Variants in SF1 observed in about 807,000 individuals in gnomAD.
The protein encoded by SF1 is branch point-binding protein.
A neutral mutation model predicts 62.5 loss-of-function variants in SF1; 7 were observed. That is an observed-to-expected ratio of 0.11 (90% CI 0.06 to 0.21). The LOEUF (loss-of-function observed/expected upper bound fraction) is 0.21. Ranked by LOEUF, SF1 falls within the 10% of genes least tolerant of loss-of-function variation. The probability of loss-of-function intolerance (pLI) is 1.00; values close to 1 mark genes in which losing one functional copy is unlikely to be tolerated. For missense variants in SF1, 578 were observed against 884.0 expected (o/e 0.65, Z 4.39); for synonymous variants, 394 against 323.6 (o/e 1.22, Z -2.33).
At position 64,764,804 on chromosome 11, in the gene SF1, C is replaced by T. The variant is rs1189982841; in HGVS notation, c.*1014G>A. The T allele has an allele frequency of 6.6e-6, 1 of 152,520 alleles. No homozygotes were observed. The highest frequency in any genetic ancestry group is 2.4e-5 in the African/African-American group (1 of 41,428). The allele number at this position is 152,520 out of a possible 1,614,324, so 9.4% of individuals were successfully genotyped here. A position where few individuals can be genotyped will look rare whatever the true frequency, so the allele number is the denominator to read the frequency against. On this transcript the variant is annotated 3_prime_UTR_variant, in exon 13 of 13. Transcript: ENST00000377390. ...AAGGAAGGAGAATGAACAAGGGGCTCAAACCCCTACACACTGCAAAACATT... is the reference window on the plus strand; with the variant it reads ...AAGGAAGGAGAATGAACAAGGGGCTTAAACCCCTACACACTGCAAAACATT...
chr11:64,765,227 G>A lies in SF1; in HGVS notation c.*591C>T, dbSNP rs938118163. The A allele has an allele frequency of 6.6e-6, 3 of 457,290 alleles. No individual in the cohort carries two copies. Among genetic ancestry groups the A allele is most frequent in the East Asian group, 3.6e-5 (1 of 28,016 alleles). 28.3% of individuals were successfully genotyped at this position (457,290 alleles called of 1,614,324 possible). On this transcript the variant is annotated 3_prime_UTR_variant, in exon 13 of 13. Coordinates refer to ENST00000377390, the MANE Select transcript of SF1 (RefSeq NM_004630.4). ...GTAAGGGAAGGAGAACTGGAGAGAA[G>A]GGAAAGGAATCTAAATTGCAGCAGA... is the stretch of plus-strand genomic sequence containing the variant.
intron 9 of SF1, 100 bp from the exon 10 acceptor site, chr11:64,767,944 C>G: frequency 2.7e-6 from 4 of 1,505,072 alleles, no homozygotes; most frequent in Non-Finnish European, 3.6e-6. Context: ...AGAACAAGGT[C>G]TTCCCGAAGT....
chr11:64,776,614 T>C lies in SF1; in HGVS notation c.44A>G (p.Lys15Arg), dbSNP rs748678031. Residue 15 changes from lysine (K) to arginine (R), a missense_variant, in exon 2 of 13, where the codon AAG (lysine) becomes AGG (arginine). This residue lies in a region of SF1 where 37 missense variants were observed against 34.6 expected (regional missense o/e 1.07). Coordinates refer to ENST00000377390, the MANE Select transcript of SF1 (RefSeq NM_004630.4). ...GTTCCAGCGGCTCCTCTTCCGCTTC[T>C]TACTTGGGAAGTCTAAAAGGCAGAG... Reference protein sequence around the residue: ...ANATPLDFPSKKRKRSRWNQD... With the variant: ...ANATPLDFPSRKRKRSRWNQD... 6.3e-7 allele frequency: 1 copy of C among 1,598,938 alleles called. No homozygotes were observed. Among genetic ancestry groups the C allele is most frequent in the South Asian group, 1.1e-5 (1 of 87,784 alleles).
intron 5 of SF1, 38 bp downstream of exon 5, chr11:64,769,926 A>T (rs772777451): frequency 6.7e-7 from 1 of 1,492,124 alleles, no homozygotes; most frequent in South Asian, 1.1e-5. Flanking sequence ...CACAGGCTCT[A>T]AAGGAATTCT....
At chr11:64,771,795 T>C (rs1938365694) in intron 3 of SF1, 4 of 985,112 alleles carry the variant, frequency 4.1e-6, no homozygotes, top group Admixed American at 1.2e-4. Flanking sequence ...ATAAAGTGGC[T>C]TAAGTGATAT....
chr11:64,774,787 G>A (rs576096525), intron 2 of SF1, among the ~76,000 whole-genome samples: 129 of 152,038 alleles, frequency 8.5e-4, no homozygotes, highest in African/African-American at 3.0e-3. Flanking sequence ...GTGAAACCCC[G>A]TCTCTACTAA....
intron 3 of SF1, 60 bp downstream of exon 3, chr11:64,773,370 A>G: frequency 6.3e-7 from 1 of 1,588,358 alleles, no homozygotes; most frequent in Non-Finnish European, 8.6e-7. Context: ...TGCCACCAGT[A>G]AAACGTATTG....
rs1027174338 is a variant in SF1, at chr11:64,777,691, G to A, written c.31+671C>T. Reference sequence around the variant, plus strand: ...CGCCACCCCTGTTCCCGACACCAGCGGACTGGACAGCAATAGTGGGCCCCC... The same window carrying A: ...CGCCACCCCTGTTCCCGACACCAGCAGACTGGACAGCAATAGTGGGCCCCC... On this transcript the variant is annotated intron_variant, in intron 1 of 12. Coordinates refer to ENST00000377390, the MANE Select transcript of SF1 (RefSeq NM_004630.4). 16 of 985,442 alleles carry A rather than the reference G, an allele frequency of 1.6e-5. No individual in the cohort carries two copies. In the Admixed American group the frequency reaches 4.3e-4, roughly 27 times the overall value. The allele number at this position is 985,442 out of a possible 1,614,324, so 61.0% of individuals were successfully genotyped here. A position where few individuals can be genotyped will look rare whatever the true frequency, so the allele number is the denominator to read the frequency against.
chr11:64,776,965 C>CA (rs893608676), intron 1 of SF1, among the ~76,000 whole-genome samples: 10 of 152,180 alleles, frequency 6.6e-5, no homozygotes, highest in African/African-American at 2.4e-4. Flanking sequence ...CTGAAATCCC[C>CA]AGGGGAGACA....
intron 3 of SF1, chr11:64,772,194 G>A (rs894942869): frequency 1.0e-6 from 1 of 985,194 alleles, no homozygotes; most frequent in African/African-American, 1.7e-5. Flanking sequence ...AGTTATCCAG[G>A]AAGCAAAGAA....
At chr11:64,769,905 C>T (rs563694980) in intron 5 of SF1, 59 bp downstream of exon 5, 151 of 1,312,308 alleles carry the variant, frequency 1.2e-4, no homozygotes, top group African/African-American at 1.1e-3. Flanking sequence ...AGGCACAAAA[C>T]GGACACATCT....
At chr11:64,776,058 A>G (rs1939182918) in intron 2 of SF1, 1 of 158,680 alleles carries the variant, frequency 6.3e-6, no homozygotes, top group Non-Finnish European at 1.4e-5. Flanking sequence ...GAAAGTACCT[A>G]TAAAAAGTAA....
At position 64,768,132 on chromosome 11, in the gene SF1, C is replaced by G; in HGVS notation, c.1042G>C (p.Ala348Pro). The change falls in exon 9 of 13, where the codon GCT becomes CCT. Residue 348 changes from alanine to proline, a missense_variant. Physicochemically the swap from Ala to Pro is conservative, Grantham distance 27. Around this residue, in one of 7 missense-constraint regions of SF1, gnomAD observed 410 missense variants for 452.4 expected, o/e 0.91. Coordinates refer to ENST00000377390, the MANE Select transcript of SF1 (RefSeq NM_004630.4). ...GGTGGAGGTGGGTTGTTGGCGGGAGCAGCAGGACGAGGTGCGCTGGCCAGG... is the reference window on the plus strand; with the variant it reads ...GGTGGAGGTGGGTTGTTGGCGGGAGGAGCAGGACGAGGTGCGCTGGCCAGG... ...TPLASAPRPA[A>P]PANNPPPPSL... The G allele has an allele frequency of 6.2e-7, 1 of 1,612,006 alleles. No homozygotes were observed. Among genetic ancestry groups the G allele is most frequent in the Non-Finnish European group, 8.5e-7 (1 of 1,179,016 alleles).
chr11:64,770,371 T>TC lies in SF1; in HGVS notation c.273dup (p.Lys92GlufsTer4). Reference sequence around the variant, plus strand: ...CGGAACTCTCGGGTGTTAAGCCGCTTCCCCTCGCTATTGTAGATGGGCTCA... The same window carrying TC: ...CGGAACTCTCGGGTGTTAAGCCGCTTCCCCCTCGCTATTGTAGATGGGCTCA... On this transcript the variant is annotated frameshift_variant, in exon 4 of 13. Transcript: ENST00000377390. LOFTEE classifies it high-confidence loss of function. The TC allele has an allele frequency of 6.2e-7, 1 of 1,614,078 alleles. No homozygotes were observed. Among genetic ancestry groups the TC allele is most frequent in the Non-Finnish European group, 8.5e-7 (1 of 1,179,996 alleles).
rs1441393787 is a variant in SF1 at position 64,777,402 on chromosome 11, C to T, written c.32-776G>A. On this transcript the variant is annotated intron_variant, in intron 1 of 12. Transcript: ENST00000377390. ...GCAGCCGATCAGACTGAGATCTAAA[C>T]ATACTGAACAGATTTAAAAAAAAAA... is the stretch of plus-strand genomic sequence containing the variant. The T allele has an allele frequency of 8.9e-6, 6 of 675,074 alleles. No homozygotes were observed. In the Admixed American group the frequency reaches 3.2e-4, roughly 35 times the overall value. The allele number at this position is 675,074 out of a possible 1,614,324, so 41.8% of individuals were successfully genotyped here.
At position 64,770,271 on chromosome 11, in the gene SF1, G is replaced by A; in HGVS notation, c.374C>T (p.Pro125Leu). 6.2e-7 allele frequency: 1 copy of A among 1,613,046 alleles called. No homozygotes were observed. The highest frequency in any genetic ancestry group is 8.5e-7 in the Non-Finnish European group (1 of 1,179,228). ...EMVALNPDFK[P>L]PADYKPPATR... is the part of the protein sequence containing the mutation. ...CTCCGCTTACTTGTAATCTGCAGGTGGCTTGAAATCCGGATTGAGTGCAAC... is the reference window on the plus strand; with the variant it reads ...CTCCGCTTACTTGTAATCTGCAGGTAGCTTGAAATCCGGATTGAGTGCAAC... Residue 125 changes from proline (P) to leucine (L), a missense_variant, in exon 4 of 13, where the codon CCA becomes CTA. Physicochemically the swap from Pro to Leu is moderately conservative, Grantham distance 98. Around this residue, in one of 7 missense-constraint regions of SF1, gnomAD observed 68 missense variants for 170.7 expected, o/e 0.40. Coordinates refer to ENST00000377390, the MANE Select transcript of SF1 (RefSeq NM_004630.4).
rs1270014306 is a variant in SF1 at position 64,777,911 on chromosome 11, T to C, written c.31+451A>G. On this transcript the variant is annotated intron_variant, in intron 1 of 12. Coordinates refer to ENST00000377390, the MANE Select transcript of SF1 (RefSeq NM_004630.4). The stretch of plus-strand genomic sequence containing the variant: ...GCGCCCCTGCCGCGTGCAGCCGCCG[T>C]CGCCGCCGCCGCGCGCCCCTCAGGC... 26 of 955,096 alleles carry C rather than the reference T, an allele frequency of 2.7e-5. No individual in the cohort carries two copies. The South Asian group carries it at 3.3e-4, about 12-fold the overall frequency. 59.2% of individuals were successfully genotyped at this position (955,096 alleles called of 1,614,324 possible). A position where few individuals can be genotyped will look rare whatever the true frequency, so the allele number is the denominator to read the frequency against.
At chr11:64,771,427 T>TA (rs71583714) in intron 3 of SF1, 27 of 982,368 alleles carry the variant, frequency 2.7e-5, no homozygotes, top group East Asian at 1.1e-4. Context: ...ATCAGGTTAT[T>TA]AAAAAAACAT....
At chr11:64,766,267 T>C in intron 12 of SF1, 112 bp from the exon 13 acceptor site, 1 of 7,744 alleles carries the variant, frequency 1.3e-4, no homozygotes, top group Middle Eastern at 0.038. Flanking sequence ...TGGCATGCGG[T>C]ACGGTGGTGG....
Sources: allele counts gnomAD v4.1 joint callset (sites outside exome capture counted in the v4.1 genomes callset), GRCh38; gene constraint gnomAD v4.1.1; regional missense constraint gnomAD v4.1.1; transcripts MANE v1.5; gene names NCBI Gene and HGNC (gene_info 2026-07-23, HGNC 2026-07-21).